PGS1: variants seen among roughly 807,000 people sequenced by gnomAD.
PGS1 encodes CDP-diacylglycerol--glycerol-3-phosphate 3-phosphatidyltransferase, mitochondrial.
A neutral mutation model predicts 58.3 loss-of-function variants in PGS1; 44 were observed. That is an observed-to-expected ratio of 0.75 (90% CI 0.59 to 0.97). The LOEUF is 0.97. Ranked by LOEUF, PGS1 falls within the 50% of genes least tolerant of loss-of-function variation. PGS1 has a pLI of 0.00. For missense variants in PGS1, 684 were observed against 731.1 expected, an observed-to-expected ratio of 0.94 and a Z score of 0.74; for synonymous variants, 330 against 311.0, an observed-to-expected ratio of 1.06 and a Z score of -0.64.
chr17:78,418,766 G>A (rs1036042933), intron 8 of PGS1, among the ~76,000 whole-genome samples: 4 of 151,948 alleles, frequency 2.6e-5, no homozygotes, highest in African/African-American at 9.7e-5. Context: ...TGTCCCCCTT[G>A]CCCTCAGCAC....
chr17:78,406,731 T>G (rs565384250), intron 7 of PGS1, among the ~76,000 whole-genome samples: 1 of 152,200 alleles, frequency 6.6e-6, no homozygotes, highest in Non-Finnish European at 1.5e-5. Context: ...TTGAAAGAGT[T>G]GGCCAGTGGG....
At chr17:78,420,893 G>GTACTT (rs936775287) in intron 9 of PGS1, 1 of 152,038 alleles carries the variant, frequency 6.6e-6, no homozygotes, top group Admixed American at 6.5e-5. Context: ...CCCAAAATGT[G>GTACTT]TACTTAACCA....
rs4969144 is a variant in PGS1 at position 78,410,003 on chromosome 17, C to T, written c.1403-4876C>T. Among the ~76,000 whole-genome samples, 8 of 152,070 alleles carry T rather than the reference C, an allele frequency of 5.3e-5. 2 individuals are homozygous for T. The South Asian group carries it at 1.7e-3, about 32-fold the overall frequency. ...GTGCATGTCTGTAATCCCGGCTACT[C>T]GGGAGGTTGAGGCATGAGAATCACT... On this transcript the variant is annotated intron_variant, in intron 7 of 9. Transcript: ENST00000262764.
Position 78,397,496 on chromosome 17 carries a change from G to A in PGS1, c.412-756G>A, listed in dbSNP as rs1440300249. Among the ~76,000 whole-genome samples the A allele has an allele frequency of 7.9e-5, 12 of 152,166 alleles. No individual in the cohort carries two copies. The South Asian group carries it at 2.3e-3, about 29-fold the overall frequency. On this transcript the variant is annotated intron_variant, in intron 3 of 9. Transcript: ENST00000262764. Reference sequence around the variant, plus strand: ...TTGTTGCCCAGGCTGGAGTGCAATGGCGCGATCTCGGCTTGCCGCAACCTC... The same window carrying A: ...TTGTTGCCCAGGCTGGAGTGCAATGACGCGATCTCGGCTTGCCGCAACCTC...
chr17:78,423,233 C>T (rs970268875), intron 9 of PGS1, among the ~76,000 whole-genome samples: 1 of 152,198 alleles, frequency 6.6e-6, no homozygotes, highest in East Asian at 1.9e-4. Context: ...CACCCTGCTG[C>T]CCTAGCTAGC....
rs1012564001 is a variant in PGS1, at chr17:78,404,066, G to A, written c.1379G>A (p.Arg460Lys). 3 of 1,587,424 alleles carry A rather than the reference G, an allele frequency of 1.9e-6. No individual in the cohort carries two copies. Among genetic ancestry groups the A allele is most frequent in the African/African-American group, 2.7e-5 (2 of 74,486 alleles). ...ERVQLQEYWR[R>K]GWTFHAKGLW... ...GTCCAGCTTCAGGAGTACTGGCGGA[G>A]GGGCTGGACGTTCCACGCCAAAGGT... The change falls in exon 7 of 10, where the codon AGG (arginine) becomes AAG (lysine). Residue 460 changes from arginine to lysine, a missense_variant. By Grantham distance (26) the Arg-to-Lys change is conservative. Transcript: ENST00000262764.
At chr17:78,410,666 G>A (rs2084592810) in intron 7 of PGS1, among the ~76,000 whole-genome samples, 1 of 151,800 alleles carries the variant, frequency 6.6e-6, no homozygotes, top group African/African-American at 2.4e-5. Flanking sequence ...TAGAGATGGG[G>A]TTTCACCATG....
At chr17:78,387,488 G>A (rs1319051011) in intron 1 of PGS1, among the ~76,000 whole-genome samples, 1 of 151,596 alleles carries the variant, frequency 6.6e-6, no homozygotes, top group African/African-American at 2.4e-5. Flanking sequence ...TAGTAGAGAT[G>A]GGGTTTCTCC....
chr17:78,419,521 A>C, intron 8 of PGS1, 25 bp from the exon 9 acceptor site: 1 of 1,607,570 alleles, frequency 6.2e-7, no homozygotes, highest in Middle Eastern at 1.7e-4. Flanking sequence ...ACTCCTCACT[A>C]TTCCTGTCTG....
At chr17:78,418,289 A>C (rs2085378371) in intron 8 of PGS1, among the ~76,000 whole-genome samples, 1 of 152,188 alleles carries the variant, frequency 6.6e-6, no homozygotes, top group Non-Finnish European at 1.5e-5. Flanking sequence ...GTTCACTATA[A>C]AAATTAAGAA....
intron 1 of PGS1, among the ~76,000 whole-genome samples, chr17:78,388,986 TAAGTTGAAC>T (rs55646759): frequency 0.18 from 26,634 of 149,852 alleles, 3,195 homozygotes; most frequent in African/African-American, 0.35. Flanking sequence ...TGTTGAGGGT[TAAGTTGAAC>T]AAGTTGAACT....
chr17:78,420,627 G>GA (rs1168758866), intron 9 of PGS1: 3 of 152,192 alleles, frequency 2.0e-5, no homozygotes, highest in Non-Finnish European at 2.9e-5. Context: ...TGTGCAGCGT[G>GA]GGCTCCCTTA....
chr17:78,389,045 T>A (rs1022455847), intron 1 of PGS1, among the ~76,000 whole-genome samples: 1 of 140,224 alleles, frequency 7.1e-6, no homozygotes, highest in African/African-American at 2.7e-5. Context: ...GAGTGTTTCC[T>A]CTTCTTCCTT....
At chr17:78,401,216 C>G (rs952724172) in intron 6 of PGS1, among the ~76,000 whole-genome samples, 1 of 152,140 alleles carries the variant, frequency 6.6e-6, no homozygotes, top group Non-Finnish European at 1.5e-5. Flanking sequence ...GGGTGACAAA[C>G]TCAGGTCAGG....
At chr17:78,402,443 CAT>C (rs1343315394) in intron 6 of PGS1, among the ~76,000 whole-genome samples, 5 of 150,800 alleles carry the variant, frequency 3.3e-5, no homozygotes, top group Admixed American at 6.6e-5. Context: ...CACACACACA[CAT>C]ATGTATGTAT....
chr17:78,403,657 C>G lies in PGS1; in HGVS notation c.970C>G (p.Gln324Glu). 1 of 1,614,202 alleles carries G rather than the reference C, an allele frequency of 6.2e-7. No homozygotes were observed. Among genetic ancestry groups the G allele is most frequent in the Non-Finnish European group, 8.5e-7 (1 of 1,180,048 alleles). Residue 324 changes from glutamine (Q) to glutamate (E), a missense_variant, in exon 7 of 10, where the codon CAG becomes GAG. Transcript: ENST00000262764. ...GACCCGCCAGCAGATGCTGCATGCC[C>G]AGACCTTCCACAGCAACTCTCTTTT... ...ARTRQQMLHA[Q>E]TFHSNSLLTQ...
chr17:78,422,451 C>A (rs1015722279), intron 9 of PGS1, among the ~76,000 whole-genome samples: 1 of 152,170 alleles, frequency 6.6e-6, no homozygotes, highest in Non-Finnish European at 1.5e-5. Flanking sequence ...TTTTGCAAAA[C>A]TTGATGATCA....
intron 1 of PGS1, among the ~76,000 whole-genome samples, chr17:78,391,595 A>C (rs371181546): frequency 2.0e-5 from 3 of 152,064 alleles, no homozygotes; most frequent in Non-Finnish European, 4.4e-5. Context: ...CTCCTGCCTT[A>C]GCCTCCCAAG....
At chr17:78,403,030 G>C (rs2083816055) in intron 6 of PGS1, among the ~76,000 whole-genome samples, 1 of 152,208 alleles carries the variant, frequency 6.6e-6, no homozygotes, top group Non-Finnish European at 1.5e-5. Flanking sequence ...ATGGTGATGT[G>C]CTTATCCAAG....
Sources: gnomAD v4.1 joint callset for allele counts (sites outside exome capture counted in the v4.1 genomes callset) on GRCh38, gnomAD v4.1.1 for gene constraint, MANE v1.5 for transcripts, NCBI Gene and HGNC (gene_info 2026-07-23, HGNC 2026-07-21) for gene names.